Variants in PRKN observed in about 807,000 individuals in gnomAD.
PRKN encodes the protein parkin RBR E3 ubiquitin protein ligase, also known as E3 ubiquitin-protein ligase parkin.
In PRKN, 56 loss-of-function variants were observed where a neutral mutation model predicts 59.5. The ratio of observed to expected loss-of-function variants is 0.94; its 90% confidence interval spans 0.76 to 1.18. The LOEUF is 1.18. Ranked by LOEUF, PRKN falls within the 50% of genes most tolerant of loss-of-function variation. The pLI is 0.00. For missense variants in PRKN, 657 were observed against 596.4 expected (o/e 1.10, Z -1.06); for synonymous variants, 250 against 222.1 (o/e 1.13, Z -1.12).
At chr6:161,506,257 G>C (rs1425554437) in intron 9 of PRKN, among the ~76,000 whole-genome samples, 1 of 152,026 alleles carries the variant, frequency 6.6e-6, no homozygotes, top group African/African-American at 2.4e-5. Context: ...TTGTAAGGTG[G>C]ATTCCTAGGT....
intron 6 of PRKN, among the ~76,000 whole-genome samples, chr6:161,882,456 T>C (rs1264548393): frequency 6.6e-6 from 1 of 152,112 alleles, no homozygotes; most frequent in African/African-American, 2.4e-5. Context: ...CCTCCGGGCC[T>C]TCCTGCAGGA....
chr6:162,217,948 AT>A (rs1054315051), intron 3 of PRKN, among the ~76,000 whole-genome samples: 3 of 152,082 alleles, frequency 2.0e-5, no homozygotes, highest in African/African-American at 7.2e-5. Flanking sequence ...GTGGGAAAAC[AT>A]TCTGGCAGGA....
intron 7 of PRKN, among the ~76,000 whole-genome samples, chr6:161,636,676 T>C (rs1783533610): frequency 6.6e-6 from 1 of 152,136 alleles, no homozygotes; most frequent in Non-Finnish European, 1.5e-5. Context: ...GGATGATCGC[T>C]TGAGGCAGGA....
intron 1 of PRKN, among the ~76,000 whole-genome samples, chr6:162,467,586 T>C (rs1416875226): frequency 1.3e-5 from 2 of 152,178 alleles, no homozygotes; most frequent in East Asian, 3.9e-4. Flanking sequence ...ATCTGCATTG[T>C]CGTGACCATT....
At chr6:162,030,343 T>G (rs1783590892) in intron 5 of PRKN, among the ~76,000 whole-genome samples, 1 of 152,196 alleles carries the variant, frequency 6.6e-6, no homozygotes, top group Non-Finnish European at 1.5e-5. Flanking sequence ...AGAGGTACTC[T>G]GAATGTAAAA....
chr6:161,733,316 C>G (rs1787800541), intron 7 of PRKN, among the ~76,000 whole-genome samples: 1 of 151,672 alleles, frequency 6.6e-6, no homozygotes, highest in African/African-American at 2.4e-5. Context: ...CTCATGAAAC[C>G]CTTTGCAGGT....
intron 6 of PRKN, among the ~76,000 whole-genome samples, chr6:161,943,395 TTATC>T (rs1359763122): frequency 1.4e-4 from 21 of 152,384 alleles, no homozygotes; most frequent in African/African-American, 4.8e-4. Flanking sequence ...TATTTTAACT[TTATC>T]TAATTCATTT....
intron 7 of PRKN, among the ~76,000 whole-genome samples, chr6:161,670,469 G>A (rs544430936): frequency 1.3e-5 from 2 of 152,190 alleles, no homozygotes; most frequent in East Asian, 3.9e-4. Context: ...CTCTGCCTCT[G>A]TATGCATGTG....
chr6:161,421,815 T>G (rs1013675556), intron 9 of PRKN, among the ~76,000 whole-genome samples: 5 of 152,216 alleles, frequency 3.3e-5, no homozygotes, highest in African/African-American at 1.2e-4. Flanking sequence ...TGAAATACGT[T>G]CTTGAAATTC....
At chr6:161,370,204 G>A (rs922007845) in intron 10 of PRKN, among the ~76,000 whole-genome samples, 6 of 151,622 alleles carry the variant, frequency 4.0e-5, no homozygotes, top group Non-Finnish European at 7.4e-5. Flanking sequence ...GGCCAGACTG[G>A]TCAATATAAT....
rs1306648719 is a variant in PRKN at position 162,118,403 on chromosome 6, C to T, written c.535-64229G>A. Reference sequence around the variant, plus strand: ...CCTGGGCTACAGAGCGAGACTCCATCTCAAAAAAAAAAAGAGTATGATCAC... The same window carrying T: ...CCTGGGCTACAGAGCGAGACTCCATTTCAAAAAAAAAAAGAGTATGATCAC... On this transcript the variant is annotated intron_variant, in intron 4 of 11. Transcript: ENST00000366898. 4.0e-5 allele frequency among the ~76,000 whole-genome samples: 6 copies of T among 150,232 alleles called. No individual in the cohort carries two copies. In the South Asian group the frequency reaches 1.0e-3, roughly 26 times the overall value.
rs564486684 is a variant in PRKN at position 161,428,965 on chromosome 6, A to C, written c.1084-42088T>G. Among the ~76,000 whole-genome samples the C allele has an allele frequency of 6.6e-6, 1 of 152,234 alleles. No individual in the cohort carries two copies. Among genetic ancestry groups the C allele is most frequent in the East Asian group, 1.9e-4 (1 of 5,158 alleles). ...GCATACATTCCTGCCCTAAGACTGG[A>C]AGGCTGGCAGACCAGCTCAGGTCAG... On this transcript the variant is annotated intron_variant, in intron 9 of 11. Coordinates refer to ENST00000366898, the MANE Select transcript of PRKN (RefSeq NM_004562.3). This position sits in a 1 kb window ranked among gnomAD's most constrained non-coding sequence, Gnocchi z 4.0.
Position 161,900,928 on chromosome 6 carries a change from A to T in PRKN, c.734+72374T>A, listed in dbSNP as rs187811661. 4.1e-3 allele frequency among the ~76,000 whole-genome samples: 594 copies of T among 143,496 alleles called. 3 individuals carry two copies. The highest frequency in any genetic ancestry group is 7.2e-3 in the Middle Eastern group (2 of 278). 94.1% of individuals were successfully genotyped at this position (143,496 alleles called of 152,430 possible). ...TGTTAAATTGTATATATATATATAT[A>T]TTTTTTAGATGGAGTCTCGCTCTGT... is the stretch of plus-strand genomic sequence containing the variant. On this transcript the variant is annotated intron_variant, in intron 6 of 11. Transcript: ENST00000366898.
intron 6 of PRKN, among the ~76,000 whole-genome samples, chr6:161,803,773 G>A (rs147582150): frequency 1.3e-5 from 2 of 152,328 alleles, no homozygotes; most frequent in East Asian, 1.9e-4. Flanking sequence ...CATTAGGGCC[G>A]AGAGCTTTTC....
Position 161,545,204 on chromosome 6 carries a change from T to C in PRKN, c.1083+3650A>G. On this transcript the variant is annotated intron_variant, in intron 9 of 11. Transcript: ENST00000366898. This position sits in a 1 kb window ranked among gnomAD's most constrained non-coding sequence, Gnocchi z 4.1. ...GGTAAGAGTTGTACTTTTTCTATCT[T>C]GATAATTGAGGGAAAAAAAAATTAA... 4 of 1,363,964 alleles carry C rather than the reference T, an allele frequency of 2.9e-6. No homozygotes were observed. The East Asian group carries it at 1.1e-4, about 37-fold the overall frequency. 84.5% of individuals were successfully genotyped at this position (1,363,964 alleles called of 1,614,324 possible).
At chr6:162,496,906 T>C (rs1793088488) in intron 1 of PRKN, among the ~76,000 whole-genome samples, 1 of 152,224 alleles carries the variant, frequency 6.6e-6, no homozygotes. Flanking sequence ...TATCTGCCAC[T>C]GTCCTGGTTT....
intron 2 of PRKN, among the ~76,000 whole-genome samples, chr6:162,424,989 G>A (rs1246876820): frequency 6.6e-6 from 1 of 151,900 alleles, no homozygotes; most frequent in East Asian, 1.9e-4. Flanking sequence ...CATGTAAGGT[G>A]GAGAATTAGA....
At chr6:162,367,231 A>C (rs982204857) in intron 2 of PRKN, among the ~76,000 whole-genome samples, 7 of 152,098 alleles carry the variant, frequency 4.6e-5, no homozygotes. Context: ...CCCTTCCACC[A>C]TGATTGTAAG....
rs1018504978 is a variant in PRKN, at chr6:161,371,859, G to C, written c.1168-11654C>G. On this transcript the variant is annotated intron_variant, in intron 10 of 11. Transcript: ENST00000366898. This position sits in a 1 kb window ranked among gnomAD's most constrained non-coding sequence, Gnocchi z 5.5. ...TCATCACTTTGGCCAGGCTGATCTC[G>C]AATTCTTGACCTCAGGTGATCTGCC... is the stretch of plus-strand genomic sequence containing the variant. 6.6e-6 allele frequency among the ~76,000 whole-genome samples: 1 copy of C among 151,872 alleles called. No individual in the cohort carries two copies. The highest frequency in any genetic ancestry group is 2.1e-4 in the South Asian group (1 of 4,818).
Sources: allele counts gnomAD v4.1 joint callset (sites outside exome capture counted in the v4.1 genomes callset), GRCh38; gene constraint gnomAD v4.1.1; non-coding constraint Gnocchi (gnomAD v3.1); transcripts MANE v1.5; gene names NCBI Gene and HGNC (gene_info 2026-07-23, HGNC 2026-07-21).